NBAS: variants seen among roughly 807,000 people sequenced by gnomAD.
The protein encoded by NBAS is NAG/BC035112 fusion.
A neutral mutation model predicts 302.5 loss-of-function variants in NBAS; 219 were observed. That is an observed-to-expected ratio of 0.72 (90% CI 0.65 to 0.81). The LOEUF is 0.81. Ranked by LOEUF, NBAS falls within the 30% of genes least tolerant of loss-of-function variation. The probability of loss-of-function intolerance (pLI) is 0.00; values close to 1 mark genes in which losing one functional copy is unlikely to be tolerated. For missense variants in NBAS, 2,932 were observed against 2,841.6 expected (o/e 1.03, Z -0.72); for synonymous variants, 1,118 against 1,021.6 (o/e 1.09, Z -1.80).
intron 23 of NBAS, among the ~76,000 whole-genome samples, chr2:15,420,014 C>T (rs376942797): frequency 2.0e-5 from 3 of 152,090 alleles, no homozygotes; most frequent in African/African-American, 4.8e-5. Flanking sequence ...GCCCAGCCAA[C>T]GATGATATTT....
At chr2:15,546,114 C>T (rs1664095026) in intron 6 of NBAS, among the ~76,000 whole-genome samples, 1 of 152,162 alleles carries the variant, frequency 6.6e-6, no homozygotes, top group African/African-American at 2.4e-5. Flanking sequence ...CTAAAAATTA[C>T]TCTTTTTTAA....
chr2:14,983,987 G>T, the NBAS span, among the ~76,000 whole-genome samples: 1 of 152,056 alleles, frequency 6.6e-6, no homozygotes, highest in East Asian at 1.9e-4. Context: ...GGGCTTCCGA[G>T]GGGGCGTGCC....
intron 44 of NBAS, among the ~76,000 whole-genome samples, chr2:15,271,114 CT>C (rs768671691): frequency 1.8e-4 from 27 of 152,074 alleles, no homozygotes; most frequent in Non-Finnish European, 3.1e-4. Flanking sequence ...TTAATTTATT[CT>C]ACCAGATTTT....
chr2:15,394,393 A>G (rs1675764682), intron 27 of NBAS, 44 bp from the exon 28 acceptor site: 1 of 1,603,282 alleles, frequency 6.2e-7, no homozygotes, highest in Non-Finnish European at 8.5e-7. Context: ...CTACCAAACA[A>G]AAAGAGTCTA....
the NBAS span, among the ~76,000 whole-genome samples, chr2:14,795,998 G>T: frequency 2.0e-5 from 3 of 152,126 alleles, no homozygotes; most frequent in African/African-American, 7.2e-5. Context: ...TTGCATTCAG[G>T]TCTATGATAT....
the NBAS span, among the ~76,000 whole-genome samples, chr2:15,094,502 A>AT: frequency 2.0e-5 from 3 of 150,750 alleles, no homozygotes; most frequent in Non-Finnish European, 4.4e-5. Context: ...GCTTGCTATC[A>AT]TGGGGGAAAA....
chr2:15,165,694 A>C (rs1226787327), downstream of NBAS, among the ~76,000 whole-genome samples: 3 of 152,108 alleles, frequency 2.0e-5, no homozygotes, highest in East Asian at 3.9e-4. Flanking sequence ...GGAGGTGTGG[A>C]GATGAGGCTG....
intron 30 of NBAS, among the ~76,000 whole-genome samples, chr2:15,378,393 G>C (rs1572747996): frequency 6.6e-6 from 1 of 152,200 alleles, no homozygotes; most frequent in Non-Finnish European, 1.5e-5. Context: ...AAAATGGCTA[G>C]TGGAAGAACA....
chr2:14,824,739 A>AAGCAGTGGGAG, the NBAS span, among the ~76,000 whole-genome samples: 2 of 152,146 alleles, frequency 1.3e-5, no homozygotes, highest in African/African-American at 4.8e-5. Flanking sequence ...AACAGTGGGA[A>AAGCAGTGGGAG]AGCAGTGGGA....
At chr2:15,256,536 T>C (rs1668605106) in intron 44 of NBAS, among the ~76,000 whole-genome samples, 1 of 152,240 alleles carries the variant, frequency 6.6e-6, no homozygotes, top group Non-Finnish European at 1.5e-5. Context: ...GGACACCCTT[T>C]ATTTTTTTCT....
chr2:15,122,017 C>G, the NBAS span, among the ~76,000 whole-genome samples: 1 of 152,110 alleles, frequency 6.6e-6, no homozygotes, highest in Non-Finnish European at 1.5e-5. Context: ...AGATCTTTTG[C>G]TCTAAGGGAA....
At chr2:14,987,505 C>T in the NBAS span, among the ~76,000 whole-genome samples, 5 of 151,480 alleles carry the variant, frequency 3.3e-5, no homozygotes, top group Non-Finnish European at 7.4e-5. Context: ...AAATCACAGA[C>T]TATAGGGTTG....
intron 9 of NBAS, among the ~76,000 whole-genome samples, chr2:15,531,805 A>C (rs189482246): frequency 7.2e-5 from 11 of 152,220 alleles, no homozygotes; most frequent in African/African-American, 1.9e-4. Flanking sequence ...TAATACCCTC[A>C]CCTATTCCAA....
chr2:15,075,314 C>A, the NBAS span, among the ~76,000 whole-genome samples: 1 of 152,182 alleles, frequency 6.6e-6, no homozygotes, highest in Non-Finnish European at 1.5e-5. Flanking sequence ...GTACCCTGCC[C>A]CCTGCCCTGC....
chr2:15,206,328 C>T (rs994702944), intron 48 of NBAS, among the ~76,000 whole-genome samples: 1 of 151,972 alleles, frequency 6.6e-6, no homozygotes, highest in Admixed American at 6.5e-5. Flanking sequence ...AGTGTACACT[C>T]ATATGCACAA....
chr2:14,982,461 C>A, the NBAS span, among the ~76,000 whole-genome samples: 1 of 152,100 alleles, frequency 6.6e-6, no homozygotes, highest in African/African-American at 2.4e-5. Context: ...AAGGAAGACA[C>A]GGAGTCCAGG....
At chr2:14,860,964 C>T in the NBAS span, among the ~76,000 whole-genome samples, 1 of 151,974 alleles carries the variant, frequency 6.6e-6, no homozygotes, top group Non-Finnish European at 1.5e-5. Context: ...TACCCCAAAG[C>T]TATGTACATC....
At chr2:15,120,996 C>T in the NBAS span, among the ~76,000 whole-genome samples, 3 of 152,140 alleles carry the variant, frequency 2.0e-5, no homozygotes, top group Admixed American at 2.0e-4. Context: ...CTTTTATATT[C>T]TTTTTTGGCT....
chr2:15,441,020 C>T (rs796322404), intron 21 of NBAS, among the ~76,000 whole-genome samples: 1,809 of 152,070 alleles, frequency 0.012, 30 homozygotes, highest in East Asian at 0.056. Context: ...AAGACCAAAT[C>T]TGCATCTGAT....
Sources: gnomAD v4.1 joint callset for allele counts (sites outside exome capture counted in the v4.1 genomes callset) on GRCh38, gnomAD v4.1.1 for gene constraint, MANE v1.5 for transcripts, NCBI Gene and HGNC (gene_info 2026-07-23, HGNC 2026-07-21) for gene names.